Variants in GALNT13 observed in about 807,000 individuals in gnomAD.
GALNT13 encodes the protein polypeptide N-acetylgalactosaminyltransferase 13, also known as UDP-GalNAc:polypeptide N-acetylgalactosaminyltransferase 13.
A neutral mutation model predicts 64.2 loss-of-function variants in GALNT13; 28 were observed. That is an observed-to-expected ratio of 0.44 (90% CI 0.32 to 0.60). The LOEUF (loss-of-function observed/expected upper bound fraction) is 0.60. Ranked by LOEUF, GALNT13 falls within the 20% of genes least tolerant of loss-of-function variation. The pLI, the probability that GALNT13 is intolerant of heterozygous loss-of-function variation, is 0.05. For synonymous variants in GALNT13, 214 were observed against 224.6 expected (o/e 0.95, Z 0.42); for missense variants, 577 against 669.8 (o/e 0.86, Z 1.53).
intron 11 of GALNT13, among the ~76,000 whole-genome samples, chr2:154,431,960 C>G (rs912106279): frequency 6.6e-6 from 1 of 152,162 alleles, no homozygotes; most frequent in African/African-American, 2.4e-5. Flanking sequence ...ATAAATTACC[C>G]AGTCTTAGGT....
chr2:154,114,782 C>A (rs1703191560), intron 3 of GALNT13, among the ~76,000 whole-genome samples: 1 of 152,142 alleles, frequency 6.6e-6, no homozygotes, highest in Admixed American at 6.5e-5. Context: ...AATTTTAATT[C>A]TAGGAACACT....
At chr2:154,345,651 A>G (rs940961758) in intron 9 of GALNT13, among the ~76,000 whole-genome samples, 3 of 152,082 alleles carry the variant, frequency 2.0e-5, no homozygotes, top group African/African-American at 7.2e-5. Context: ...TTTGAGACCC[A>G]CTGAGGAATG....
At chr2:153,484,440 T>C in the GALNT13 span, among the ~76,000 whole-genome samples, 2 of 152,214 alleles carry the variant, frequency 1.3e-5, no homozygotes, top group Non-Finnish European at 1.5e-5. Flanking sequence ...TTCCTTATAA[T>C]GTTTCCTATA....
At chr2:153,455,698 GA>G in the GALNT13 span, among the ~76,000 whole-genome samples, 1 of 152,266 alleles carries the variant, frequency 6.6e-6, no homozygotes, top group East Asian at 1.9e-4. Flanking sequence ...GCTGTCCGCG[GA>G]CAGCTTAAGT....
At chr2:153,850,496 G>T in the GALNT13 span, among the ~76,000 whole-genome samples, 1 of 152,206 alleles carries the variant, frequency 6.6e-6, no homozygotes, top group East Asian at 1.9e-4. Flanking sequence ...GAACTCAAAA[G>T]GTAGAATTAA....
At chr2:153,355,639 T>C in the GALNT13 span, among the ~76,000 whole-genome samples, 1 of 152,210 alleles carries the variant, frequency 6.6e-6, no homozygotes, top group Non-Finnish European at 1.5e-5. Flanking sequence ...TACTAAGAAT[T>C]TGGCCTTCTT....
the GALNT13 span, among the ~76,000 whole-genome samples, chr2:153,608,649 TAGAC>T: frequency 2.7e-4 from 40 of 147,750 alleles, no homozygotes; most frequent in Middle Eastern, 0.022. Flanking sequence ...TACATATATA[TAGAC>T]AAACATATTA....
chr2:153,389,395 G>C, the GALNT13 span, among the ~76,000 whole-genome samples: 1 of 151,996 alleles, frequency 6.6e-6, no homozygotes. Flanking sequence ...GCTGGGGAAC[G>C]GAAAGCTTGT....
At chr2:153,645,735 G>A in the GALNT13 span, among the ~76,000 whole-genome samples, 3 of 152,022 alleles carry the variant, frequency 2.0e-5, no homozygotes, top group Non-Finnish European at 4.4e-5. Context: ...CTTTCACAAT[G>A]CACTTATTCC....
At chr2:153,105,889 A>G in the GALNT13 span, among the ~76,000 whole-genome samples, 1 of 152,166 alleles carries the variant, frequency 6.6e-6, no homozygotes, top group Non-Finnish European at 1.5e-5. Flanking sequence ...ATGGAAGAAC[A>G]TTTAGTTTAG....
the GALNT13 span, among the ~76,000 whole-genome samples, chr2:153,237,591 G>A: frequency 1.3e-5 from 2 of 151,948 alleles, no homozygotes; most frequent in Non-Finnish European, 2.9e-5. Flanking sequence ...TTTTCTTTAT[G>A]TGCCTGGCTT....
At chr2:153,869,789 T>C (rs1685817808), upstream of GALNT13, among the ~76,000 whole-genome samples, 1 of 152,156 alleles carries the variant, frequency 6.6e-6, no homozygotes, top group South Asian at 2.1e-4. Flanking sequence ...TATGGCATTA[T>C]AGTTTCTCCC....
At chr2:153,800,213 T>A in the GALNT13 span, among the ~76,000 whole-genome samples, 1 of 152,124 alleles carries the variant, frequency 6.6e-6, no homozygotes, top group African/African-American at 2.4e-5. Flanking sequence ...GCTTTCTTAG[T>A]ACATATGAAA....
At chr2:153,781,839 T>C in the GALNT13 span, among the ~76,000 whole-genome samples, 7 of 152,140 alleles carry the variant, frequency 4.6e-5, no homozygotes, top group Non-Finnish European at 1.0e-4. Flanking sequence ...AGACATCACT[T>C]CCAATTAATA....
chr2:153,234,170 G>A, the GALNT13 span, among the ~76,000 whole-genome samples: 1 of 152,074 alleles, frequency 6.6e-6, no homozygotes. Context: ...GATTTGGTTT[G>A]CTTGATTTGA....
At chr2:153,736,340 G>T in the GALNT13 span, among the ~76,000 whole-genome samples, 1 of 152,104 alleles carries the variant, frequency 6.6e-6, no homozygotes. Context: ...TAGCTCCTGT[G>T]TCCTTTTGAC....
At chr2:153,133,733 A>G in the GALNT13 span, among the ~76,000 whole-genome samples, 3 of 152,140 alleles carry the variant, frequency 2.0e-5, no homozygotes, top group Non-Finnish European at 4.4e-5. Context: ...CAGAGACACA[A>G]TTTCAGTCCC....
At chr2:154,062,929 T>G (rs1010183448) in intron 3 of GALNT13, among the ~76,000 whole-genome samples, 2 of 152,184 alleles carry the variant, frequency 1.3e-5, no homozygotes, top group Non-Finnish European at 2.9e-5. Flanking sequence ...GTCATAATTT[T>G]AACAGTCATT....
intron 9 of GALNT13, among the ~76,000 whole-genome samples, chr2:154,368,367 C>G (rs978818737): frequency 5.3e-5 from 8 of 152,164 alleles, no homozygotes; most frequent in Non-Finnish European, 5.9e-5. Flanking sequence ...GGTCACACCC[C>G]TCTCTGGGGT....
Sources: allele counts gnomAD v4.1 joint callset (sites outside exome capture counted in the v4.1 genomes callset), GRCh38; gene constraint gnomAD v4.1.1; transcripts MANE v1.5; gene names NCBI Gene and HGNC (gene_info 2026-07-23, HGNC 2026-07-21).